The following SLC45A4 variants were observed in gnomAD, a reference collection of about 807,000 sequenced individuals.
SLC45A4 encodes the protein polyamine-transporter SLC45A4.
SLC45A4 carries 32 observed loss-of-function variants against 63.7 expected under a neutral mutation model. The ratio of observed to expected loss-of-function variants is 0.50; its 90% CI spans 0.38 to 0.67. The LOEUF (loss-of-function observed/expected upper bound fraction) is 0.67, where lower values mean the gene tolerates loss of function less well. Among genes scored for constraint, SLC45A4 ranks in the 30% least tolerant of loss-of-function variants. The pLI is 0.00. For missense variants in SLC45A4, 1,027 were observed against 1,157.7 expected, an observed-to-expected ratio of 0.89 and a Z score of 1.64; for synonymous variants, 535 against 510.0, an observed-to-expected ratio of 1.05 and a Z score of -0.66.
intron 1 of SLC45A4, among the ~76,000 whole-genome samples, chr8:141,283,419 C>T (rs1013561366): frequency 6.6e-6 from 1 of 152,230 alleles, no homozygotes; most frequent in African/African-American, 2.4e-5. Flanking sequence ...CTCTAGCTCC[C>T]AGTGCAGTGC....
intron 1 of SLC45A4, among the ~76,000 whole-genome samples, chr8:141,306,596 C>A (rs1306264642): frequency 6.6e-6 from 1 of 152,246 alleles, no homozygotes; most frequent in African/African-American, 2.4e-5. Flanking sequence ...CTCTGATCCC[C>A]ATGTGTTACA....
In SLC45A4 at chr8:141,256,396, G is replaced by A. The variant is rs1828775245; in HGVS notation, c.-400-1767C>T. Reference sequence around the variant, plus strand: ...AAAATATTTCTCATTACTTTCCACCGAACCAAAGGTGGTCTTAATTAGCTC... The same window carrying A: ...AAAATATTTCTCATTACTTTCCACCAAACCAAAGGTGGTCTTAATTAGCTC... On this transcript the variant is annotated intron_variant, in intron 1 of 8. Transcript: ENST00000517878. This position sits in a 1 kb window ranked among gnomAD's most constrained non-coding sequence, Gnocchi z 4.3. 2 of 360,288 alleles carry A rather than the reference G, an allele frequency of 5.6e-6. No individual in the cohort carries two copies. The highest frequency in any genetic ancestry group is 1.1e-5 in the Non-Finnish European group (2 of 180,038). The allele number at this position is 360,288 out of a possible 1,614,324, so 22.3% of individuals were successfully genotyped here. A position where few individuals can be genotyped will look rare whatever the true frequency, so the allele number is the denominator to read the frequency against.
chr8:141,237,408 T>C (rs12674778), intron 2 of SLC45A4, among the ~76,000 whole-genome samples: 26,287 of 152,156 alleles, frequency 0.17, 2,385 homozygotes, highest in South Asian at 0.23. Flanking sequence ...GGGCCACCCT[T>C]GCTTCACTGA....
chr8:141,211,000 G>A lies in SLC45A4; in HGVS notation c.*572C>T, dbSNP rs993266279. 5.1e-5 allele frequency: 8 copies of A among 157,146 alleles called. No homozygotes were observed. The East Asian group carries it at 5.6e-4, about 11-fold the overall frequency. The allele number at this position is 157,146 out of a possible 1,614,324, so 9.7% of individuals were successfully genotyped here. ...GGCCTTAGCTGTCCCAGACGTCTGC[G>A]TCCCTTTGCACCTGTCCCGATTCCA... On this transcript the variant is annotated 3_prime_UTR_variant, in exon 9 of 9. Coordinates refer to ENST00000517878, the MANE Select transcript of SLC45A4 (RefSeq NM_001286646.2).
intron 1 of SLC45A4, among the ~76,000 whole-genome samples, chr8:141,291,757 GCCA>G (rs1830355420): frequency 6.6e-6 from 1 of 152,252 alleles, no homozygotes; most frequent in African/African-American, 2.4e-5. Flanking sequence ...GGCGTGGCTT[GCCA>G]GGGCAGTGTG....
chr8:141,283,092 T>C (rs1224959075), intron 1 of SLC45A4, among the ~76,000 whole-genome samples: 1 of 152,220 alleles, frequency 6.6e-6, no homozygotes, highest in African/African-American at 2.4e-5. Context: ...GCCTCTGGAA[T>C]GTTTGTGATT....
intron 1 of SLC45A4, among the ~76,000 whole-genome samples, chr8:141,264,477 GC>G (rs1829178219): frequency 6.6e-6 from 1 of 152,150 alleles, no homozygotes; most frequent in South Asian, 2.1e-4. Flanking sequence ...TGATGTTGCT[GC>G]TTATTCCCCA....
intron 7 of SLC45A4, among the ~76,000 whole-genome samples, chr8:141,213,179 G>C (rs1186600238): frequency 6.9e-6 from 1 of 145,368 alleles, no homozygotes; most frequent in Non-Finnish European, 1.5e-5. Context: ...ATCACAGTGA[G>C]AGATGGTTAT....
chr8:141,250,306 A>C (rs1033150026), intron 2 of SLC45A4, among the ~76,000 whole-genome samples: 15 of 152,222 alleles, frequency 9.9e-5, no homozygotes, highest in African/African-American at 3.6e-4. Flanking sequence ...CTTTGAGTAC[A>C]GTATTCAATA....
intron 1 of SLC45A4, among the ~76,000 whole-genome samples, chr8:141,276,718 T>C (rs942153034): frequency 6.6e-6 from 1 of 152,210 alleles, no homozygotes; most frequent in Non-Finnish European, 1.5e-5. Flanking sequence ...AGGAGTCGAC[T>C]GCCCTTTTCC....
chr8:141,290,117 T>C (rs72683504), intron 1 of SLC45A4, among the ~76,000 whole-genome samples: 6,527 of 152,338 alleles, frequency 0.043, 191 homozygotes, highest in Middle Eastern at 0.085. Flanking sequence ...TACATGTCCA[T>C]ATATAATATA....
Position 141,211,202 on chromosome 8 carries a change from G to A in SLC45A4, c.*370C>T, listed in dbSNP as rs1825782642. On this transcript the variant is annotated 3_prime_UTR_variant, in exon 9 of 9. Transcript: ENST00000517878. ...TGCTCTCAGGAATCCCCAGCAAATG[G>A]TTTAGAGACGAATCAAAGTGCAGTG... The A allele has an allele frequency of 4.8e-6, 2 of 418,586 alleles. No homozygotes were observed. Among genetic ancestry groups the A allele is most frequent in the East Asian group, 7.4e-5 (2 of 27,042 alleles). The allele number at this position is 418,586 out of a possible 1,614,324, so 25.9% of individuals were successfully genotyped here.
chr8:141,295,870 T>A (rs987173975), intron 1 of SLC45A4, among the ~76,000 whole-genome samples: 1 of 152,166 alleles, frequency 6.6e-6, no homozygotes, highest in Admixed American at 6.5e-5. Flanking sequence ...GCTCATCTCG[T>A]AAGGTCAGAG....
intron 7 of SLC45A4, among the ~76,000 whole-genome samples, chr8:141,214,541 A>G (rs1298081470): frequency 6.6e-6 from 1 of 152,210 alleles, no homozygotes; most frequent in Non-Finnish European, 1.5e-5. Context: ...ACTCTCCCCA[A>G]ATTGACCCAT....
rs1825651957 is a variant in SLC45A4, at chr8:141,208,743, C to G, written c.*2829G>C. 6.6e-6 allele frequency: 1 copy of G among 152,278 alleles called. No individual in the cohort carries two copies. 9.4% of individuals were successfully genotyped at this position (152,278 alleles called of 1,614,324 possible). A position where few individuals can be genotyped will look rare whatever the true frequency, so the allele number is the denominator to read the frequency against. On this transcript the variant is annotated 3_prime_UTR_variant, in exon 9 of 9. Transcript: ENST00000517878. ...ACAGACCCAGGAAAGGGGACACAGGCAGGCCGGCCCAGCTGAGAGCTCACG... is the reference window on the plus strand; with the variant it reads ...ACAGACCCAGGAAAGGGGACACAGGGAGGCCGGCCCAGCTGAGAGCTCACG...
At chr8:141,272,668 C>A (rs1406143057) in intron 1 of SLC45A4, among the ~76,000 whole-genome samples, 1 of 152,184 alleles carries the variant, frequency 6.6e-6, no homozygotes, top group African/African-American at 2.4e-5. Flanking sequence ...GGCCCTCACC[C>A]CCCCTACTCC....
intron 1 of SLC45A4, among the ~76,000 whole-genome samples, chr8:141,304,087 G>T (rs1830827456): frequency 6.6e-6 from 1 of 152,112 alleles, no homozygotes; most frequent in Non-Finnish European, 1.5e-5. Context: ...TGGGCCTTGG[G>T]ATGACCCTCA....
chr8:141,264,055 T>C (rs1563657742), intron 1 of SLC45A4, among the ~76,000 whole-genome samples: 1 of 152,114 alleles, frequency 6.6e-6, no homozygotes, highest in Non-Finnish European at 1.5e-5. Flanking sequence ...GGTTCCTGGG[T>C]CCACAGCCCA....
intron 2 of SLC45A4, among the ~76,000 whole-genome samples, chr8:141,245,784 A>G (rs533805621): frequency 1.1e-3 from 172 of 152,314 alleles, no homozygotes; most frequent in Non-Finnish European, 1.9e-3. Flanking sequence ...TGCCAGCAGC[A>G]TCGCAGGCAG....
Sources: gnomAD v4.1 joint callset for allele counts (sites outside exome capture counted in the v4.1 genomes callset) on GRCh38, gnomAD v4.1.1 for gene constraint, Gnocchi (gnomAD v3.1) non-coding constraint, MANE v1.5 for transcripts, NCBI Gene and HGNC (gene_info 2026-07-23, HGNC 2026-07-21) for gene names.